Variants in KIRREL3 observed in about 807,000 individuals in gnomAD.
KIRREL3 encodes kirre like nephrin family adhesion molecule 3.
A neutral mutation model predicts 89.7 loss-of-function variants in KIRREL3; 36 were observed. The observed-to-expected ratio is 0.40, with a 90% CI of 0.31 to 0.53. The LOEUF (loss-of-function observed/expected upper bound fraction) is 0.53. Among genes scored for constraint, KIRREL3 ranks in the 20% least tolerant of loss-of-function variants. The pLI is 0.49. For missense variants in KIRREL3, 864 were observed against 1,056.6 expected, an observed-to-expected ratio of 0.82 and a Z score of 2.53; for synonymous variants, 445 against 441.4, an observed-to-expected ratio of 1.01 and a Z score of -0.10.
rs1347227471 is a variant in KIRREL3, at chr11:126,501,862, G to A, written c.433+19453C>T. 6.6e-6 allele frequency among the ~76,000 whole-genome samples: 1 copy of A among 152,122 alleles called. No individual in the cohort carries two copies. Among genetic ancestry groups the A allele is most frequent in the African/African-American group, 2.4e-5 (1 of 41,416 alleles). On this transcript the variant is annotated intron_variant, in intron 4 of 16. Coordinates refer to ENST00000525144, the MANE Select transcript of KIRREL3 (RefSeq NM_032531.4). This position sits in a 1 kb window ranked among gnomAD's most constrained non-coding sequence, Gnocchi z 5.8. ...GTCTGGGGTGGGCCAGGTGAGGGGT[G>A]GAAAACATCGATACCAGTGACTTAC...
chr11:126,571,108 A>G lies in KIRREL3; in HGVS notation c.56-8196T>C, dbSNP rs1432264729. Reference sequence around the variant, plus strand: ...TTGGTGCTTGTTGGTGCGTCGTGCCATGCTCTGTCTCCATTCTCTGTGAGA... The same window carrying G: ...TTGGTGCTTGTTGGTGCGTCGTGCCGTGCTCTGTCTCCATTCTCTGTGAGA... On this transcript the variant is annotated intron_variant, in intron 1 of 16. Coordinates refer to ENST00000525144, the MANE Select transcript of KIRREL3 (RefSeq NM_032531.4). This position sits in a 1 kb window ranked among gnomAD's most constrained non-coding sequence, Gnocchi z 7.7. Among the ~76,000 whole-genome samples the G allele has an allele frequency of 2.6e-5, 4 of 152,112 alleles. No homozygotes were observed. The highest frequency in any genetic ancestry group is 4.8e-5 in the African/African-American group (2 of 41,398).
rs560480317 is a variant in KIRREL3, at chr11:126,955,246, G to T, written c.55+45209C>A. ...AAAGCAAGTTGCTTTAACCCTGAAAGAAAGTATTTCTCTAGCAAACAGCAA... is the reference window on the plus strand; with the variant it reads ...AAAGCAAGTTGCTTTAACCCTGAAATAAAGTATTTCTCTAGCAAACAGCAA... On this transcript the variant is annotated intron_variant, in intron 1 of 16. Coordinates refer to ENST00000525144, the MANE Select transcript of KIRREL3 (RefSeq NM_032531.4). The surrounding 1 kb of genome is among the most constrained non-coding windows in gnomAD (Gnocchi z 4.6). 1.3e-5 allele frequency among the ~76,000 whole-genome samples: 2 copies of T among 152,326 alleles called. No homozygotes were observed. Among genetic ancestry groups the T allele is most frequent in the South Asian group, 4.1e-4 (2 of 4,824 alleles).
At chr11:126,480,259 T>C (rs1957181911) in intron 4 of KIRREL3, among the ~76,000 whole-genome samples, 1 of 152,254 alleles carries the variant, frequency 6.6e-6, no homozygotes, top group African/African-American at 2.4e-5. Context: ...CTTGCAGGGT[T>C]ATCATGAGGA....
intron 6 of KIRREL3, among the ~76,000 whole-genome samples, chr11:126,458,384 C>T (rs2155309): frequency 0.099 from 15,039 of 152,196 alleles, 898 homozygotes; most frequent in East Asian, 0.25. Flanking sequence ...GTTGGGACTA[C>T]GGTGGGGTCC....
chr11:126,452,263 C>T (rs1956204023), intron 7 of KIRREL3, among the ~76,000 whole-genome samples: 1 of 152,272 alleles, frequency 6.6e-6, no homozygotes, highest in African/African-American at 2.4e-5. Flanking sequence ...ATGAGTTATT[C>T]ATGTGTCGTT....
chr11:126,850,210 C>G (rs1416236738), intron 1 of KIRREL3, among the ~76,000 whole-genome samples: 2 of 152,174 alleles, frequency 1.3e-5, no homozygotes, highest in Non-Finnish European at 1.5e-5. Flanking sequence ...GATATTTCAC[C>G]CACATGATCT....
chr11:126,861,352 A>AG (rs1944697474), intron 1 of KIRREL3, among the ~76,000 whole-genome samples: 1 of 152,044 alleles, frequency 6.6e-6, no homozygotes, highest in Non-Finnish European at 1.5e-5. Flanking sequence ...AATCAAGACC[A>AG]CCCAGTGGGA....
intron 1 of KIRREL3, among the ~76,000 whole-genome samples, chr11:126,775,140 C>T (rs1337584037): frequency 3.9e-5 from 6 of 152,182 alleles, no homozygotes; most frequent in Non-Finnish European, 8.8e-5. Flanking sequence ...ACAGTTTCCC[C>T]TTCTTAGACT....
chr11:126,509,114 T>G (rs1958118207), intron 4 of KIRREL3, among the ~76,000 whole-genome samples: 1 of 152,134 alleles, frequency 6.6e-6, no homozygotes, highest in African/African-American at 2.4e-5. Flanking sequence ...TTCTCATGAG[T>G]GAAAGCCAGT....
intron 1 of KIRREL3, among the ~76,000 whole-genome samples, chr11:126,741,898 G>T (rs1393345420): frequency 6.6e-6 from 1 of 152,242 alleles, no homozygotes; most frequent in African/African-American, 2.4e-5. Context: ...ATGCCATACG[G>T]CTAGGTGAGA....
At chr11:126,593,889 CAG>C (rs1942269032) in intron 1 of KIRREL3, among the ~76,000 whole-genome samples, 1 of 152,172 alleles carries the variant, frequency 6.6e-6, no homozygotes, top group Non-Finnish European at 1.5e-5. Context: ...CTGCGAGACT[CAG>C]GGGGTCCAGT....
rs1951254634 is a variant in KIRREL3, at chr11:126,807,874, G to A, written c.55+192581C>T. Among the ~76,000 whole-genome samples the A allele has an allele frequency of 6.6e-6, 1 of 152,168 alleles. No individual in the cohort carries two copies. Among genetic ancestry groups the A allele is most frequent in the African/African-American group, 2.4e-5 (1 of 41,402 alleles). ...ATTGTCTCAAATAATAGTCCTCATA[G>A]GAAGGTGACGAAAGGAAGCTCAAGT... is the stretch of plus-strand genomic sequence containing the variant. On this transcript the variant is annotated intron_variant, in intron 1 of 16. Coordinates refer to ENST00000525144, the MANE Select transcript of KIRREL3 (RefSeq NM_032531.4). The surrounding 1 kb of genome is among the most constrained non-coding windows in gnomAD (Gnocchi z 4.3).
upstream of KIRREL3, among the ~76,000 whole-genome samples, chr11:127,002,314 A>G (rs1391983116): frequency 6.6e-6 from 1 of 152,240 alleles, no homozygotes; most frequent in Non-Finnish European, 1.5e-5. Context: ...TAAACACAGC[A>G]AAGGGAAATT....
intron 15 of KIRREL3, among the ~76,000 whole-genome samples, chr11:126,426,524 G>T (rs1277328706): frequency 6.6e-6 from 1 of 152,188 alleles, no homozygotes; most frequent in East Asian, 1.9e-4. Flanking sequence ...TATGTTGAAT[G>T]AATAGGCAAA....
rs1950202500 is a variant in KIRREL3, at chr11:126,997,225, T to C, written c.55+3230A>G. On this transcript the variant is annotated intron_variant, in intron 1 of 16. Coordinates refer to ENST00000525144, the MANE Select transcript of KIRREL3 (RefSeq NM_032531.4). The surrounding 1 kb of genome is among the most constrained non-coding windows in gnomAD (Gnocchi z 4.3). ...GAAAAAATATAGCAAGTTCTAAGTT[T>C]ATGGATGACAAAAGAATCGATTATT... Among the ~76,000 whole-genome samples, 1 of 152,180 alleles carries C rather than the reference T, an allele frequency of 6.6e-6. No individual in the cohort carries two copies. Among genetic ancestry groups the C allele is most frequent in the African/African-American group, 2.4e-5 (1 of 41,444 alleles).
chr11:126,456,979 C>T (rs887957374), intron 6 of KIRREL3, among the ~76,000 whole-genome samples: 4 of 152,110 alleles, frequency 2.6e-5, no homozygotes, highest in Admixed American at 6.5e-5. Flanking sequence ...CTTCCCAGGC[C>T]GGGGCTCGCT....
chr11:126,787,772 C>T (rs1454214568), intron 1 of KIRREL3, among the ~76,000 whole-genome samples: 2 of 152,196 alleles, frequency 1.3e-5, no homozygotes, highest in Non-Finnish European at 2.9e-5. Flanking sequence ...TACCCTCAGC[C>T]AGCAGATACA....
chr11:126,750,323 G>A lies in KIRREL3; in HGVS notation c.56-187411C>T, dbSNP rs937347829. Among the ~76,000 whole-genome samples the A allele has an allele frequency of 3.3e-5, 5 of 152,134 alleles. No individual in the cohort carries two copies. Among genetic ancestry groups the A allele is most frequent in the Admixed American group, 6.5e-5 (1 of 15,278 alleles). ...TTTCTGTTCCTTGAAGGTGGCATGA[G>A]GATGTTCTCAACTATGGCACTCTGG... On this transcript the variant is annotated intron_variant, in intron 1 of 16. Coordinates refer to ENST00000525144, the MANE Select transcript of KIRREL3 (RefSeq NM_032531.4). The surrounding 1 kb of genome is among the most constrained non-coding windows in gnomAD (Gnocchi z 4.2).
In KIRREL3 at chr11:126,445,012, C is replaced by T. The variant is rs2134190023; in HGVS notation, c.1219G>A (p.Ala407Thr). ...GTCAGGGTCACCTCTCTCTCCCCGG[C>T]TCCCACACGGGGCACCACAGCCCGG... The part of the protein sequence containing the change: ...VCRAVVPRVG[A>T]GEREVTLTVN... The change falls in exon 10 of 17, where the codon GCC becomes ACC. Residue 407 changes from alanine to threonine, a missense_variant. By Grantham distance (58) the Ala-to-Thr change is moderately conservative (BLOSUM62 0). Transcript: ENST00000525144. 1.2e-6 allele frequency: 2 copies of T among 1,613,916 alleles called. No homozygotes were observed. Among genetic ancestry groups the T allele is most frequent in the Middle Eastern group, 1.6e-4 (1 of 6,062 alleles).
Sources: allele counts gnomAD v4.1 joint callset (sites outside exome capture counted in the v4.1 genomes callset), GRCh38; gene constraint gnomAD v4.1.1; non-coding constraint Gnocchi (gnomAD v3.1); transcripts MANE v1.5; gene names NCBI Gene and HGNC (gene_info 2026-07-23, HGNC 2026-07-21).